OPHN1: variants seen among roughly 807,000 people sequenced by gnomAD.
OPHN1 encodes the protein oligophrenin 1.
In OPHN1, 11 loss-of-function variants were observed where a neutral mutation model predicts 60.7. The ratio of observed to expected loss-of-function variants is 0.18; its 90% CI spans 0.11 to 0.30. OPHN1 has a LOEUF of 0.30. OPHN1 is among the 10% of genes least tolerant of loss of function. The pLI is 1.00. For missense variants in OPHN1, 449 were observed against 611.0 expected (o/e 0.73, Z 2.80); for synonymous variants, 226 against 222.6 (o/e 1.02, Z -0.14).
intron 15 of OPHN1, among the ~76,000 whole-genome samples, chrX:68,180,684 C>T (rs994802499): frequency 3.6e-5 from 4 of 111,737 alleles, no homozygotes; most frequent in Non-Finnish European, 7.5e-5. Context: ...AGAACCGGAA[C>T]CAAAGGCAGG....
At chrX:68,432,722 C>T (rs1450745791) in intron 2 of OPHN1, 145 bp downstream of exon 2, 3 of 607,109 alleles carry the variant, frequency 4.9e-6, no homozygotes, top group Non-Finnish European at 7.9e-6. Context: ...CTACTATCTC[C>T]ACTCCCCAAG....
chrX:68,396,126 A>G (rs976682189), intron 2 of OPHN1, among the ~76,000 whole-genome samples: 7 of 108,962 alleles, frequency 6.4e-5, no homozygotes, highest in African/African-American at 2.3e-4. Context: ...ACTTCCTTGT[A>G]TAGCCAGTAA....
At chrX:68,067,036 G>T (rs1308396045) in intron 20 of OPHN1, among the ~76,000 whole-genome samples, 3 of 112,172 alleles carry the variant, frequency 2.7e-5, no homozygotes, top group African/African-American at 9.7e-5. Flanking sequence ...TCTCTTCCAT[G>T]GGTGGGTAAG....
At chrX:68,201,572 G>T in intron 11 of OPHN1, 47 bp downstream of exon 11, 1 of 1,035,623 alleles carries the variant, frequency 9.7e-7, no homozygotes, top group Non-Finnish European at 1.4e-6. Flanking sequence ...CCCAGGCTAA[G>T]CATCTGGCAC....
chrX:68,408,217 C>T (rs1251457667), intron 2 of OPHN1, among the ~76,000 whole-genome samples: 1 of 112,650 alleles, frequency 8.9e-6, no homozygotes, highest in Non-Finnish European at 1.9e-5. Context: ...GACTATTGAA[C>T]TCTACATAAA....
At chrX:68,300,495 C>T (rs1458480717) in intron 2 of OPHN1, among the ~76,000 whole-genome samples, 1 of 111,933 alleles carries the variant, frequency 8.9e-6, no homozygotes, top group Non-Finnish European at 1.9e-5. Context: ...TTACACAGAC[C>T]AGGTTAGCAT....
chrX:68,403,291 A>C (rs1328250937), intron 2 of OPHN1, among the ~76,000 whole-genome samples: 1 of 111,604 alleles, frequency 9.0e-6, no homozygotes, highest in African/African-American at 3.3e-5. Flanking sequence ...CCAGATACAG[A>C]ACCGGTGTCA....
chrX:68,309,499 G>A (rs1048210630), intron 2 of OPHN1, among the ~76,000 whole-genome samples: 3 of 112,013 alleles, frequency 2.7e-5, no homozygotes, highest in Non-Finnish European at 1.9e-5. Context: ...GAGAGCAGCA[G>A]CTGAGGCAGT....
intron 3 of OPHN1, 57 bp downstream of exon 3, chrX:68,298,944 T>C (rs2078107657): frequency 2.7e-6 from 2 of 744,103 alleles, no homozygotes; most frequent in African/African-American, 4.2e-5. Flanking sequence ...TCAAAAAGAC[T>C]ACATGGTCTC....
At chrX:68,294,501 A>AAAT (rs1491185339) in intron 3 of OPHN1, among the ~76,000 whole-genome samples, 8 of 106,695 alleles carry the variant, frequency 7.5e-5, no homozygotes, top group African/African-American at 2.8e-4. Flanking sequence ...AAAAAAAAAA[A>AAAT]AGTAAGCATA....
intron 5 of OPHN1, among the ~76,000 whole-genome samples, chrX:68,259,362 G>C (rs2077882174): frequency 9.0e-6 from 1 of 110,836 alleles, no homozygotes; most frequent in Non-Finnish European, 1.9e-5. Flanking sequence ...GCAATGGGAA[G>C]ATTGCTTGAG....
At chrX:68,350,407 TTTTC>T (rs891098146) in intron 2 of OPHN1, among the ~76,000 whole-genome samples, 38 of 106,333 alleles carry the variant, frequency 3.6e-4, no homozygotes, top group African/African-American at 1.2e-3. Flanking sequence ...TTTCTTTCCT[TTTTC>T]TTTCTCTCTC....
chrX:68,260,922 C>T (rs1569261033), intron 5 of OPHN1, among the ~76,000 whole-genome samples: 1 of 111,812 alleles, frequency 8.9e-6, no homozygotes, highest in Non-Finnish European at 1.9e-5. Context: ...TCTACACTGT[C>T]AGGTTTGTGC....
chrX:68,218,450 A>G (rs2077629936), intron 6 of OPHN1, among the ~76,000 whole-genome samples: 1 of 106,409 alleles, frequency 9.4e-6, no homozygotes, highest in Admixed American at 1.0e-4. Flanking sequence ...TACTCCTTGA[A>G]AAGAGCGACT....
intron 19 of OPHN1, among the ~76,000 whole-genome samples, chrX:68,090,629 C>T (rs763622748): frequency 6.3e-5 from 7 of 110,632 alleles, no homozygotes; most frequent in Non-Finnish European, 3.8e-5. Flanking sequence ...TACATTGCTA[C>T]GACATGGGCT....
At chrX:68,135,922 G>T (rs1347285745) in intron 15 of OPHN1, among the ~76,000 whole-genome samples, 2 of 111,751 alleles carry the variant, frequency 1.8e-5, no homozygotes, top group African/African-American at 6.5e-5. Context: ...TAGATGGTTT[G>T]AAAATGTCTA....
At chrX:68,173,245 G>A (rs967284318) in intron 15 of OPHN1, among the ~76,000 whole-genome samples, 4 of 110,881 alleles carry the variant, frequency 3.6e-5, no homozygotes, top group African/African-American at 6.6e-5. Context: ...AGCCCCTGTC[G>A]GTACCCCTGT....
chrX:68,215,410 T>A (rs2147487256), intron 6 of OPHN1, among the ~76,000 whole-genome samples: 1 of 111,440 alleles, frequency 9.0e-6, no homozygotes, highest in East Asian at 2.8e-4. Context: ...GAAGAAATAC[T>A]TCAAGCAATA....
intron 15 of OPHN1, among the ~76,000 whole-genome samples, chrX:68,192,092 T>TA (rs1030645530): frequency 7.4e-5 from 8 of 108,415 alleles, no homozygotes; most frequent in African/African-American, 1.0e-4. Flanking sequence ...AAAAACATAT[T>TA]AAAAAAAAAG....
Sources: gnomAD v4.1 joint callset for allele counts (sites outside exome capture counted in the v4.1 genomes callset) on GRCh38, gnomAD v4.1.1 for gene constraint, MANE v1.5 for transcripts, NCBI Gene and HGNC (gene_info 2026-07-23, HGNC 2026-07-21) for gene names.